The following ADAMTSL1 variants were observed in gnomAD, a reference collection of about 807,000 sequenced individuals.
ADAMTSL1 encodes the protein ADAMTS-like protein 1.
ADAMTSL1 carries 126 observed loss-of-function variants against 201.8 expected under a neutral mutation model. That is an observed-to-expected ratio of 0.62 (90% CI 0.54 to 0.72). ADAMTSL1 has a LOEUF of 0.72. ADAMTSL1 is among the 30% of genes least tolerant of loss of function. The pLI, the probability that ADAMTSL1 is intolerant of heterozygous loss-of-function variation, is 0.00. For synonymous variants in ADAMTSL1, 1,121 were observed against 903.4 expected (o/e 1.24, Z -4.32); for missense variants, 2,679 against 2,277.8 (o/e 1.18, Z -3.59).
chr9:18,039,140 T>G (rs561524977), intron 1 of ADAMTSL1, among the ~76,000 whole-genome samples: 1 of 152,258 alleles, frequency 6.6e-6, no homozygotes, highest in South Asian at 2.1e-4. Flanking sequence ...TGACACTAAA[T>G]AGTTCAGGCC....
chr9:18,789,606 T>G (rs1215530431), intron 19 of ADAMTSL1, among the ~76,000 whole-genome samples: 1 of 152,198 alleles, frequency 6.6e-6, no homozygotes, highest in East Asian at 1.9e-4. Context: ...AGATAATAAT[T>G]TATAATCTCA....
At chr9:18,509,317 A>C (rs1817880358) in intron 2 of ADAMTSL1, among the ~76,000 whole-genome samples, 1 of 151,154 alleles carries the variant, frequency 6.6e-6, no homozygotes, top group Non-Finnish European at 1.5e-5. Flanking sequence ...TTTTCCCTCA[A>C]CAACTGGTTC....
chr9:18,450,552 C>T (rs970660605), intron 2 of ADAMTSL1, among the ~76,000 whole-genome samples: 1 of 151,506 alleles, frequency 6.6e-6, no homozygotes, highest in African/African-American at 2.4e-5. Flanking sequence ...ATTCTAGGAA[C>T]CCAGATTCAT....
intron 2 of ADAMTSL1, among the ~76,000 whole-genome samples, chr9:18,315,435 T>G (rs991788982): frequency 2.1e-5 from 3 of 145,542 alleles, no homozygotes; most frequent in Admixed American, 6.9e-5. Context: ...CAAGGGGGAG[T>G]GAGGAGGGGG....
At chr9:17,959,942 C>G (rs1190295735) in intron 1 of ADAMTSL1, among the ~76,000 whole-genome samples, 1 of 152,038 alleles carries the variant, frequency 6.6e-6, no homozygotes, top group Non-Finnish European at 1.5e-5. Flanking sequence ...CCCTAGGAGT[C>G]CCCTGAGAGA....
chr9:18,265,504 G>C (rs112676862), intron 2 of ADAMTSL1, among the ~76,000 whole-genome samples: 104 of 152,148 alleles, frequency 6.8e-4, no homozygotes, highest in African/African-American at 2.4e-3. Flanking sequence ...GTCTGTTTTG[G>C]TTCCTAGCAC....
chr9:17,954,258 A>C (rs1298018148), intron 1 of ADAMTSL1, among the ~76,000 whole-genome samples: 1 of 152,180 alleles, frequency 6.6e-6, no homozygotes, highest in Non-Finnish European at 1.5e-5. Flanking sequence ...GAAGCCACAA[A>C]GCTTCTTGTA....
intron 22 of ADAMTSL1, among the ~76,000 whole-genome samples, chr9:18,829,622 C>T (rs187523819): frequency 6.6e-6 from 1 of 152,262 alleles, no homozygotes; most frequent in African/African-American, 2.4e-5. Flanking sequence ...TTCTTACTGA[C>T]CTTATTATTT....
chr9:18,838,244 G>A (rs1041677440), intron 23 of ADAMTSL1, among the ~76,000 whole-genome samples: 2 of 151,842 alleles, frequency 1.3e-5, no homozygotes, highest in Admixed American at 1.3e-4. Flanking sequence ...GAACAGCATG[G>A]GAAAGACCTG....
At chr9:18,382,756 AC>A (rs1044031787) in intron 2 of ADAMTSL1, among the ~76,000 whole-genome samples, 3 of 152,096 alleles carry the variant, frequency 2.0e-5, no homozygotes, top group African/African-American at 7.2e-5. Context: ...TCTTGCAATT[AC>A]CCCTCAGCCC....
Position 18,788,402 on chromosome 9 carries a change from C to A in ADAMTSL1, c.3678-6995C>A, listed in dbSNP as rs566098261. 5.9e-5 allele frequency among the ~76,000 whole-genome samples: 9 copies of A among 151,342 alleles called. No homozygotes were observed. In the South Asian group the frequency reaches 1.3e-3, roughly 21 times the overall value. ...CCCCCCGCCCCGCCCCCGCAACCAC[C>A]GAAAATGAGGCCAAACCATATGCCT... is the stretch of plus-strand genomic sequence containing the variant. On this transcript the variant is annotated intron_variant, in intron 19 of 28. Transcript: ENST00000380548.
chr9:18,679,841 T>A (rs78375892), intron 10 of ADAMTSL1, among the ~76,000 whole-genome samples: 1 of 146,090 alleles, frequency 6.8e-6, no homozygotes, highest in Non-Finnish European at 1.5e-5. Context: ...TTAAAAAAAA[T>A]ACCTAGAAGT....
intron 25 of ADAMTSL1, among the ~76,000 whole-genome samples, chr9:18,891,446 T>C (rs934479): frequency 0.13 from 19,525 of 152,228 alleles, 1,462 homozygotes; most frequent in Middle Eastern, 0.23. Flanking sequence ...TCCTTCTCTT[T>C]GAGAATTACC....
chr9:18,375,590 G>A lies in ADAMTSL1; in HGVS notation c.208-129239G>A, dbSNP rs1414574773. ...TCTGTGTCTGGAGTTGGTTCCTTCCGGTGAGTTTGTGGTCTCGCTGACTTC... is the reference window on the plus strand; with the variant it reads ...TCTGTGTCTGGAGTTGGTTCCTTCCAGTGAGTTTGTGGTCTCGCTGACTTC... On this transcript the variant is annotated intron_variant, in intron 2 of 29. Coordinates refer to the ADAMTSL1 transcript ENST00000680146. Among the ~76,000 whole-genome samples the A allele has an allele frequency of 4.6e-5, 7 of 152,136 alleles. No individual in the cohort carries two copies. The South Asian group carries it at 6.2e-4, about 14-fold the overall frequency.
At position 17,981,615 on chromosome 9, in the gene ADAMTSL1, C is replaced by T. The variant is rs548523132; in HGVS notation, c.87+74693C>T. ...CTTCAAAGAGATTTTGCGTTTTCTT[C>T]TGCCAGGCACCTGAGGCCATTCCCT... On this transcript the variant is annotated intron_variant, in intron 1 of 29. Coordinates refer to the ADAMTSL1 transcript ENST00000680146. Among the ~76,000 whole-genome samples the T allele has an allele frequency of 3.9e-5, 6 of 152,304 alleles. No homozygotes were observed. The South Asian group carries it at 1.2e-3, about 32-fold the overall frequency.
At chr9:17,951,036 A>C (rs949079920) in intron 1 of ADAMTSL1, among the ~76,000 whole-genome samples, 2 of 152,060 alleles carry the variant, frequency 1.3e-5, no homozygotes, top group African/African-American at 4.8e-5. Context: ...CCCCTCCCCA[A>C]AATTCCTCTA....
At chr9:18,764,054 G>A (rs1381421096) in intron 16 of ADAMTSL1, among the ~76,000 whole-genome samples, 2 of 152,028 alleles carry the variant, frequency 1.3e-5, no homozygotes, top group African/African-American at 4.8e-5. Context: ...ATTTTGACAG[G>A]GATTGCACTG....
chr9:18,449,845 G>C (rs1820337339), intron 2 of ADAMTSL1, among the ~76,000 whole-genome samples: 2 of 152,168 alleles, frequency 1.3e-5, no homozygotes, highest in Non-Finnish European at 2.9e-5. Context: ...TATATACCTA[G>C]TGGAATGGCT....
chr9:18,474,808 A>G (rs1436913712), intron 1 of ADAMTSL1, among the ~76,000 whole-genome samples: 29 of 152,314 alleles, frequency 1.9e-4, no homozygotes, highest in Non-Finnish European at 2.9e-5. Flanking sequence ...ATGGCTCTTA[A>G]TTACTGCAAG....
Sources: gnomAD v4.1 joint callset for allele counts (sites outside exome capture counted in the v4.1 genomes callset) on GRCh38, gnomAD v4.1.1 for gene constraint, MANE v1.5 for transcripts, NCBI Gene and HGNC (gene_info 2026-07-23, HGNC 2026-07-21) for gene names.